The following MNAT1 variants were observed in gnomAD, a reference collection of about 807,000 sequenced individuals.
MNAT1 encodes CDK-activating kinase assembly factor MAT1.
Under a neutral mutation model 42.0 loss-of-function variants are expected in MNAT1, and 43 were observed. The ratio of observed to expected loss-of-function variants is 1.02; its 90% CI spans 0.80 to 1.32. MNAT1 has a LOEUF of 1.32. Ranked by LOEUF, MNAT1 falls within the 40% of genes most tolerant of loss-of-function variation. MNAT1 has a pLI of 0.00. For synonymous variants in MNAT1, 118 were observed against 120.0 expected (o/e 0.98, Z 0.11); for missense variants, 306 against 350.4 (o/e 0.87, Z 1.01).
rs1249686550 is a variant in MNAT1 at position 60,968,459 on chromosome 14, A to C, written c.*110A>C. ...TGCACAACACAGTCCTTCCACTAGC[A>C]GCTGTGTTAAAGTATTTATAAGGAG... is the stretch of plus-strand genomic sequence containing the variant. On this transcript the variant is annotated 3_prime_UTR_variant, in exon 8 of 8. Transcript: ENST00000261245. 13 of 1,523,162 alleles carry C rather than the reference A, an allele frequency of 8.5e-6. No individual in the cohort carries two copies. In the East Asian group the frequency reaches 2.9e-4, roughly 34 times the overall value. 94.4% of individuals were successfully genotyped at this position (1,523,162 alleles called of 1,614,324 possible).
At chr14:60,857,176 G>A (rs1011886012) in intron 6 of MNAT1, among the ~76,000 whole-genome samples, 2 of 152,236 alleles carry the variant, frequency 1.3e-5, no homozygotes, top group Admixed American at 6.5e-5. Flanking sequence ...CATTGACAAT[G>A]CATCTGATCA....
intron 1 of MNAT1, among the ~76,000 whole-genome samples, chr14:60,793,023 CT>C (rs370204362): frequency 2.9e-3 from 416 of 143,820 alleles, no homozygotes; most frequent in Admixed American, 2.5e-3. Context: ...TCTTCTTCTT[CT>C]TTTTTTTTTT....
intron 6 of MNAT1, among the ~76,000 whole-genome samples, chr14:60,828,276 T>C (rs1377873659): frequency 6.6e-6 from 1 of 152,166 alleles, no homozygotes; most frequent in Non-Finnish European, 1.5e-5. Flanking sequence ...TTTTGTGAAG[T>C]AATTTTATAA....
chr14:60,910,086 A>G (rs551196846), intron 7 of MNAT1, among the ~76,000 whole-genome samples: 131 of 152,178 alleles, frequency 8.6e-4, no homozygotes, highest in Non-Finnish European at 1.2e-3. Flanking sequence ...CTTTGAAGCA[A>G]TTATGAATGG....
At chr14:60,903,480 GAAATTT>G (rs1352859783) in intron 7 of MNAT1, among the ~76,000 whole-genome samples, 1 of 152,018 alleles carries the variant, frequency 6.6e-6, no homozygotes, top group African/African-American at 2.4e-5. Context: ...TAACACTTAA[GAAATTT>G]AAATTTAATC....
Position 60,818,781 on chromosome 14 carries a change from A to C in MNAT1, c.621A>C (p.Gln207His). Residue 207 changes from glutamine (Q) to histidine (H), a missense_variant, in exon 6 of 8, where the codon CAA becomes CAC. Coordinates refer to ENST00000261245, the MANE Select transcript of MNAT1 (RefSeq NM_002431.4). The stretch of plus-strand genomic sequence containing the variant: ...CTCAGCATAAAGATAGATCTACCCA[A>C]TTAGAAATGCAACTTGAGAAACCCA... ...LLAQHKDRSTQLEMQLEKPKP... is the reference protein window; with the variant it reads ...LLAQHKDRSTHLEMQLEKPKP... 1 of 1,612,942 alleles carries C rather than the reference A, an allele frequency of 6.2e-7. No individual in the cohort carries two copies. Among genetic ancestry groups the C allele is most frequent in the Non-Finnish European group, 8.5e-7 (1 of 1,179,176 alleles).
Position 60,762,535 on chromosome 14 carries a change from A to G in MNAT1, c.89+27584A>G, listed in dbSNP as rs562295777. ...CTAAATGACATCTCTACTAAATGTCATCTCTACTAAAAATACAAAAATTAG... is the reference window on the plus strand; with the variant it reads ...CTAAATGACATCTCTACTAAATGTCGTCTCTACTAAAAATACAAAAATTAG... On this transcript the variant is annotated intron_variant, in intron 1 of 7. Coordinates refer to ENST00000261245, the MANE Select transcript of MNAT1 (RefSeq NM_002431.4). 9.9e-5 allele frequency among the ~76,000 whole-genome samples: 15 copies of G among 151,944 alleles called. 1 individual carries two copies. The East Asian group carries it at 2.9e-3, about 29-fold the overall frequency.
At chr14:60,814,125 C>A (rs1397080095) in intron 5 of MNAT1, among the ~76,000 whole-genome samples, 1 of 152,042 alleles carries the variant, frequency 6.6e-6, no homozygotes, top group Non-Finnish European at 1.5e-5. Flanking sequence ...ATAATGAGCT[C>A]ATTTTGGCTC....
intron 1 of MNAT1, among the ~76,000 whole-genome samples, chr14:60,744,846 T>G (rs1013018741): frequency 3.9e-5 from 6 of 152,200 alleles, no homozygotes; most frequent in African/African-American, 1.4e-4. Context: ...ATATCTGAGA[T>G]GTTAATAAGG....
intron 1 of MNAT1, among the ~76,000 whole-genome samples, chr14:60,778,152 A>G (rs1350323525): frequency 6.6e-6 from 1 of 152,180 alleles, no homozygotes; most frequent in Non-Finnish European, 1.5e-5. Context: ...CTGCAAACCT[A>G]TGAAGAATTA....
chr14:60,782,979 C>T (rs985395162), intron 1 of MNAT1, among the ~76,000 whole-genome samples: 4 of 152,156 alleles, frequency 2.6e-5, no homozygotes, highest in Admixed American at 2.6e-4. Context: ...AAATCTTATA[C>T]TTCTTTATAG....
chr14:60,961,842 TATG>T (rs1304609193), intron 7 of MNAT1, among the ~76,000 whole-genome samples: 1 of 152,176 alleles, frequency 6.6e-6, no homozygotes, highest in East Asian at 1.9e-4. Flanking sequence ...TTTATAAAGA[TATG>T]ATGAAAATTC....
At chr14:60,748,758 G>T (rs2029941246) in intron 1 of MNAT1, among the ~76,000 whole-genome samples, 1 of 152,096 alleles carries the variant, frequency 6.6e-6, no homozygotes. Flanking sequence ...GGAATGATCT[G>T]CTGAGGCTGT....
intron 7 of MNAT1, among the ~76,000 whole-genome samples, chr14:60,911,680 G>C (rs1375089813): frequency 6.6e-6 from 1 of 152,204 alleles, no homozygotes; most frequent in Admixed American, 6.5e-5. Flanking sequence ...ACTGTGGTCT[G>C]AGAGACAGTT....
intron 1 of MNAT1, among the ~76,000 whole-genome samples, chr14:60,761,888 T>A (rs2030613673): frequency 1.3e-5 from 2 of 152,248 alleles, no homozygotes; most frequent in Non-Finnish European, 2.9e-5. Flanking sequence ...ATGTGTTATT[T>A]AGTTATTTAA....
chr14:60,904,930 G>A (rs2035161427), intron 7 of MNAT1, among the ~76,000 whole-genome samples: 1 of 138,998 alleles, frequency 7.2e-6, no homozygotes, highest in Non-Finnish European at 1.5e-5. Flanking sequence ...AAACCTCATT[G>A]TATAGCTCAG....
chr14:60,808,522 T>G (rs1286581098), intron 4 of MNAT1, 94 bp downstream of exon 4: 2 of 757,528 alleles, frequency 2.6e-6, no homozygotes, highest in African/African-American at 3.6e-5. Flanking sequence ...ACCAGTTACA[T>G]TTATAGAAAA....
At chr14:60,873,741 G>A (rs778124157) in intron 6 of MNAT1, among the ~76,000 whole-genome samples, 2 of 150,410 alleles carry the variant, frequency 1.3e-5, no homozygotes, top group Non-Finnish European at 2.9e-5. Flanking sequence ...AAAATGTTAA[G>A]ACTACAGGCA....
chr14:60,841,239 T>C (rs188870789), intron 6 of MNAT1, among the ~76,000 whole-genome samples: 1 of 151,968 alleles, frequency 6.6e-6, no homozygotes, highest in African/African-American at 2.4e-5. Context: ...TCACTCTCTG[T>C]CTCTCCTTTG....
Sources: allele counts gnomAD v4.1 joint callset (sites outside exome capture counted in the v4.1 genomes callset), GRCh38; gene constraint gnomAD v4.1.1; transcripts MANE v1.5; gene names NCBI Gene and HGNC (gene_info 2026-07-23, HGNC 2026-07-21).